Variants in PCDHGB6 observed in about 807,000 individuals in gnomAD.
PCDHGB6 encodes protocadherin gamma-B6.
In PCDHGB6, 51 loss-of-function variants were observed where a neutral mutation model predicts 59.1. The ratio of observed to expected loss-of-function variants is 0.86; its 90% CI spans 0.69 to 1.09. The LOEUF (loss-of-function observed/expected upper bound fraction) is 1.09. Among genes scored for constraint, PCDHGB6 ranks in the 50% least tolerant of loss-of-function variants. PCDHGB6 has a pLI of 0.00. For synonymous variants in PCDHGB6, 466 were observed against 495.1 expected, an observed-to-expected ratio of 0.94 and a Z score of 0.78; for missense variants, 1,148 against 1,205.1, an observed-to-expected ratio of 0.95 and a Z score of 0.70.
intron 1 of PCDHGB6, among the ~76,000 whole-genome samples, chr5:141,457,224 A>G (rs1176186371): frequency 6.6e-6 from 1 of 152,158 alleles, no homozygotes; most frequent in African/African-American, 2.4e-5. Flanking sequence ...GTGGTAGGTA[A>G]TTTCCATCTA....
In PCDHGB6 at chr5:141,487,460, G is replaced by T; in HGVS notation, c.2419-7347G>T. ...AGGGTCAGATGACCCTATCAAGTTT[G>T]TTGATGTGGGAGGCCACTCTCATGG... On this transcript the variant is annotated intron_variant, in intron 1 of 3. Transcript: ENST00000520790. The surrounding 1 kb of genome is among the most constrained non-coding windows in gnomAD (Gnocchi z 5.0). 1 of 1,614,170 alleles carries T rather than the reference G, an allele frequency of 6.2e-7. No individual in the cohort carries two copies. Among genetic ancestry groups the T allele is most frequent in the Non-Finnish European group, 8.5e-7 (1 of 1,180,024 alleles).
At chr5:141,459,300 A>G (rs954766370) in intron 1 of PCDHGB6, among the ~76,000 whole-genome samples, 2 of 152,202 alleles carry the variant, frequency 1.3e-5, no homozygotes, top group Non-Finnish European at 2.9e-5. Context: ...ATCCTATAAC[A>G]TATACTATTT....
rs530261329 is a variant in PCDHGB6, at chr5:141,440,076, A to G, written c.2418+29456A>G. 2.4e-4 allele frequency: 37 copies of G among 152,560 alleles called. No individual in the cohort carries two copies. In the South Asian group the frequency reaches 3.7e-3, roughly 15 times the overall value. The allele number at this position is 152,560 out of a possible 1,614,324, so 9.5% of individuals were successfully genotyped here. On this transcript the variant is annotated intron_variant, in intron 1 of 3. Coordinates refer to ENST00000520790, the MANE Select transcript of PCDHGB6 (RefSeq NM_018926.3). Reference sequence around the variant, plus strand: ...CTTCGGGTTAATGCTGAGGAATAATACTTCATTCTAAGTGGGGAAAGTGGA... The same window carrying G: ...CTTCGGGTTAATGCTGAGGAATAATGCTTCATTCTAAGTGGGGAAAGTGGA...
At chr5:141,427,984 C>A (rs754620535) in intron 1 of PCDHGB6, 6 of 1,597,376 alleles carry the variant, frequency 3.8e-6, no homozygotes, top group Non-Finnish European at 4.3e-6. Flanking sequence ...GCGCTGGGGC[C>A]CGATGGCTCC....
At chr5:141,460,159 T>A (rs1313260289) in intron 1 of PCDHGB6, among the ~76,000 whole-genome samples, 3 of 152,260 alleles carry the variant, frequency 2.0e-5, no homozygotes, top group Non-Finnish European at 1.5e-5. Context: ...CTTTGTCACA[T>A]ACATATTTTG....
intron 1 of PCDHGB6, chr5:141,417,798 C>G (rs2096163233): frequency 6.7e-7 from 1 of 1,486,352 alleles, no homozygotes; most frequent in African/African-American, 1.4e-5. Flanking sequence ...GCTCTTTTAG[C>G]GCGGTAGAGT....
intron 1 of PCDHGB6, among the ~76,000 whole-genome samples, chr5:141,459,759 G>A (rs1164466104): frequency 7.2e-5 from 11 of 152,206 alleles, no homozygotes; most frequent in Non-Finnish European, 2.9e-5. Context: ...TCTAGTGGGT[G>A]TGTGATACTA....
Position 141,489,375 on chromosome 5 carries a change from G to C in PCDHGB6, c.2419-5432G>C. On this transcript the variant is annotated intron_variant, in intron 1 of 3. Coordinates refer to ENST00000520790, the MANE Select transcript of PCDHGB6 (RefSeq NM_018926.3). The surrounding 1 kb of genome is among the most constrained non-coding windows in gnomAD (Gnocchi z 4.5). ...AGGAGTCTGAGCCGGGGACGCTGGT[G>C]GGGAATGTTGCTCAGGATCTGGGCT... 1 of 1,613,826 alleles carries C rather than the reference G, an allele frequency of 6.2e-7. No homozygotes were observed.
At chr5:141,464,218 T>C (rs1464478430) in intron 1 of PCDHGB6, among the ~76,000 whole-genome samples, 1 of 150,958 alleles carries the variant, frequency 6.6e-6, no homozygotes, top group Non-Finnish European at 1.5e-5. Flanking sequence ...TGAGCTGAGA[T>C]TGCGCCACTG....
intron 1 of PCDHGB6, among the ~76,000 whole-genome samples, chr5:141,444,150 GGATTT>G (rs2098419598): frequency 1.8e-5 from 2 of 114,012 alleles, no homozygotes; most frequent in Non-Finnish European, 3.5e-5. Flanking sequence ...TGTGTGTACT[GGATTT>G]TTTTTTTTTT....
chr5:141,419,671 G>T (rs532058652), intron 1 of PCDHGB6: 1 of 1,612,894 alleles, frequency 6.2e-7, no homozygotes, highest in East Asian at 2.2e-5. Context: ...ATGCCTGGCT[G>T]TCCTACCACG....
At position 141,477,167 on chromosome 5, in the gene PCDHGB6, G is replaced by A; in HGVS notation, c.2419-17640G>A. On this transcript the variant is annotated intron_variant, in intron 1 of 3. Coordinates refer to ENST00000520790, the MANE Select transcript of PCDHGB6 (RefSeq NM_018926.3). This position sits in a 1 kb window ranked among gnomAD's most constrained non-coding sequence, Gnocchi z 4.9. ...TGTGGATGTGAATGACAACGCCCCGGAGATCACAGTCACCTCCGTGTACAG... is the reference window on the plus strand; with the variant it reads ...TGTGGATGTGAATGACAACGCCCCGAAGATCACAGTCACCTCCGTGTACAG... 6.2e-7 allele frequency: 1 copy of A among 1,614,166 alleles called. No homozygotes were observed. Among genetic ancestry groups the A allele is most frequent in the South Asian group, 1.1e-5 (1 of 91,076 alleles).
Position 141,432,465 on chromosome 5 carries a change from C to T in PCDHGB6, c.2418+21845C>T. 3 of 1,614,222 alleles carry T rather than the reference C, an allele frequency of 1.9e-6. No individual in the cohort carries two copies. The highest frequency in any genetic ancestry group is 2.5e-6 in the Non-Finnish European group (3 of 1,180,050). On this transcript the variant is annotated intron_variant, in intron 1 of 3. Transcript: ENST00000520790. This position sits in a 1 kb window ranked among gnomAD's most constrained non-coding sequence, Gnocchi z 6.0. The stretch of plus-strand genomic sequence containing the variant: ...GAGATCCTGTACCCCGCCCTCCCCA[C>T]GGACGGTTCCACTGGCGTGGAGCTG...
intron 1 of PCDHGB6, among the ~76,000 whole-genome samples, chr5:141,482,866 G>A (rs768388750): frequency 2.7e-5 from 4 of 150,296 alleles, no homozygotes; most frequent in Non-Finnish European, 4.4e-5. Flanking sequence ...GAGGTCAGGA[G>A]TTTGAAACCA....
chr5:141,502,514 T>A (rs2099814743), intron 2 of PCDHGB6, among the ~76,000 whole-genome samples: 1 of 152,202 alleles, frequency 6.6e-6, no homozygotes, highest in African/African-American at 2.4e-5. Flanking sequence ...TGTCCCACTA[T>A]CAGTGATGCC....
chr5:141,490,200 A>G lies in PCDHGB6; in HGVS notation c.2419-4607A>G. 6.2e-6 allele frequency: 10 copies of G among 1,614,198 alleles called. No homozygotes were observed. The highest frequency in any genetic ancestry group is 8.5e-6 in the Non-Finnish European group (10 of 1,180,032). ...AGTCACGTTTCTATGAAATTCATGC[A>G]AGAGCCCGTGACCAGGGACAGCCTG... On this transcript the variant is annotated intron_variant, in intron 1 of 3. Coordinates refer to ENST00000520790, the MANE Select transcript of PCDHGB6 (RefSeq NM_018926.3). The surrounding 1 kb of genome is among the most constrained non-coding windows in gnomAD (Gnocchi z 5.4).
chr5:141,410,826 G>T, intron 1 of PCDHGB6: 4 of 379,152 alleles, frequency 1.1e-5, no homozygotes, highest in Non-Finnish European at 9.0e-6. Flanking sequence ...AATGTCACCA[G>T]ACTGAAGATA....
At position 141,432,950 on chromosome 5, in the gene PCDHGB6, G is replaced by T. The variant is rs750033444; in HGVS notation, c.2418+22330G>T. ...ACGCCTGCTGCAGGCTTCAGGAGGCGGCTTGACAGGAGCGCCGGCGTCGCA... is the reference window on the plus strand; with the variant it reads ...ACGCCTGCTGCAGGCTTCAGGAGGCTGCTTGACAGGAGCGCCGGCGTCGCA... On this transcript the variant is annotated intron_variant, in intron 1 of 3. Coordinates refer to ENST00000520790, the MANE Select transcript of PCDHGB6 (RefSeq NM_018926.3). This position sits in a 1 kb window ranked among gnomAD's most constrained non-coding sequence, Gnocchi z 6.0. 6 of 1,614,072 alleles carry T rather than the reference G, an allele frequency of 3.7e-6. No individual in the cohort carries two copies. Among genetic ancestry groups the T allele is most frequent in the Admixed American group, 1.7e-5 (1 of 60,010 alleles).
At chr5:141,414,629 G>T in intron 1 of PCDHGB6, 1 of 1,614,000 alleles carries the variant, frequency 6.2e-7, no homozygotes. Context: ...GACCCGGACA[G>T]CAAAGAGAAT....
Sources: gnomAD v4.1 joint callset for allele counts (sites outside exome capture counted in the v4.1 genomes callset) on GRCh38, gnomAD v4.1.1 for gene constraint, Gnocchi (gnomAD v3.1) non-coding constraint, MANE v1.5 for transcripts, NCBI Gene and HGNC (gene_info 2026-07-23, HGNC 2026-07-21) for gene names.